ADAMTS2: variants seen among roughly 807,000 people sequenced by gnomAD.
ADAMTS2 encodes the protein A disintegrin and metalloproteinase with thrombospondin motifs 2.
A neutral mutation model predicts 123.0 loss-of-function variants in ADAMTS2; 50 were observed. The ratio of observed to expected loss-of-function variants is 0.41; its 90% CI spans 0.32 to 0.51. The LOEUF is 0.51. Among genes scored for constraint, ADAMTS2 ranks in the 20% least tolerant of loss-of-function variants. The pLI is 0.35. For synonymous variants in ADAMTS2, 678 were observed against 695.4 expected (o/e 0.98, Z 0.39); for missense variants, 1,494 against 1,705.2 (o/e 0.88, Z 2.18).
At chr5:179,157,099 G>A (rs1310243631) in intron 6 of ADAMTS2, among the ~76,000 whole-genome samples, 1 of 151,686 alleles carries the variant, frequency 6.6e-6, no homozygotes, top group Non-Finnish European at 1.5e-5. Flanking sequence ...GAGTAGCTGG[G>A]ATTACAGGCA....
intron 21 of ADAMTS2, among the ~76,000 whole-genome samples, chr5:179,119,660 C>T (rs1226493832): frequency 5.3e-5 from 8 of 152,222 alleles, no homozygotes. Flanking sequence ...CTGGCCCAGC[C>T]CCCCACCTGA....
Position 179,154,903 on chromosome 5 carries a change from G to C in ADAMTS2, c.1149C>G (p.Thr383=), listed in dbSNP as rs199664723. 2.5e-6 allele frequency: 4 copies of C among 1,613,374 alleles called. No homozygotes were observed. In the South Asian group the frequency reaches 4.4e-5, roughly 18 times the overall value. The change falls in exon 7 of 22, where the codon ACC becomes ACG. Residue 383 remains threonine, a synonymous_variant. Coordinates refer to ENST00000251582, the MANE Select transcript of ADAMTS2 (RefSeq NM_014244.5). ...PSGMQGYAPV[T]GMCHPVRSCT... is the part of the protein sequence containing the mutation. The stretch of plus-strand genomic sequence containing the variant: ...AGCTGCGGACCGGATGGCACATGCC[G>C]GTGACAGGAGCATAGCCTGGGAGGA...
At chr5:179,184,380 G>A (rs1282537283) in intron 4 of ADAMTS2, among the ~76,000 whole-genome samples, 7 of 151,942 alleles carry the variant, frequency 4.6e-5, no homozygotes, top group African/African-American at 1.7e-4. Context: ...GCATGGTGGC[G>A]AGCGCTTGTA....
At chr5:179,269,905 C>T (rs1237790154) in intron 3 of ADAMTS2, among the ~76,000 whole-genome samples, 1 of 152,162 alleles carries the variant, frequency 6.6e-6, no homozygotes, top group African/African-American at 2.4e-5. Flanking sequence ...AGAGCTCGGC[C>T]TCCGGTCCTG....
chr5:179,140,642 T>A (rs1763147138), intron 10 of ADAMTS2, among the ~76,000 whole-genome samples: 1 of 152,004 alleles, frequency 6.6e-6, no homozygotes, highest in Non-Finnish European at 1.5e-5. Context: ...ATTAAAGAAT[T>A]AAATTAGGTG....
Position 179,181,967 on chromosome 5 carries a change from G to A in ADAMTS2, c.892-812C>T, listed in dbSNP as rs538984582. Among the ~76,000 whole-genome samples the A allele has an allele frequency of 6.6e-6, 1 of 152,090 alleles. No individual in the cohort carries two copies. The highest frequency in any genetic ancestry group is 2.4e-5 in the African/African-American group (1 of 41,490). On this transcript the variant is annotated intron_variant, in intron 4 of 21. Coordinates refer to ENST00000251582, the MANE Select transcript of ADAMTS2 (RefSeq NM_014244.5). This position sits in a 1 kb window ranked among gnomAD's most constrained non-coding sequence, Gnocchi z 4.1. ...CTGTCAGGGGCTTCCTTCGCACTGA[G>A]CCCCCACCCTCCAGCTTCCCACCGC... is the stretch of plus-strand genomic sequence containing the variant.
At chr5:179,131,320 A>G (rs1282876391) in intron 15 of ADAMTS2, among the ~76,000 whole-genome samples, 1 of 151,216 alleles carries the variant, frequency 6.6e-6, no homozygotes, top group Non-Finnish European at 1.5e-5. Context: ...AAAAAAAAAA[A>G]AAAAAAAAAA....
Position 179,314,227 on chromosome 5 carries a change from C to T in ADAMTS2, c.534+29540G>A, listed in dbSNP as rs2113580638. On this transcript the variant is annotated intron_variant, in intron 2 of 21. Coordinates refer to ENST00000251582, the MANE Select transcript of ADAMTS2 (RefSeq NM_014244.5). This position sits in a 1 kb window ranked among gnomAD's most constrained non-coding sequence, Gnocchi z 4.5. ...CCCGGGCTCCTGGTCCCATCCTGCC[C>T]CTCCCACCGGGTCGGCCCTGTCCTT... 6.6e-6 allele frequency among the ~76,000 whole-genome samples: 1 copy of T among 152,364 alleles called. No homozygotes were observed. The highest frequency in any genetic ancestry group is 2.1e-4 in the South Asian group (1 of 4,830).
intron 2 of ADAMTS2, among the ~76,000 whole-genome samples, chr5:179,321,462 G>A (rs534834549): frequency 5.2e-4 from 79 of 152,190 alleles, no homozygotes; most frequent in East Asian, 5.8e-4. Flanking sequence ...TGGGCCTGAT[G>A]CCCCCTGCCA....
At position 179,260,245 on chromosome 5, in the gene ADAMTS2, T is replaced by C. The variant is rs75046336; in HGVS notation, c.688+12666A>G. Reference sequence around the variant, plus strand: ...CTCCAATGCCTGCAGGGAGCAACTGTTGCTCCCGGAGTGAGCTCCTGGGCG... The same window carrying C: ...CTCCAATGCCTGCAGGGAGCAACTGCTGCTCCCGGAGTGAGCTCCTGGGCG... On this transcript the variant is annotated intron_variant, in intron 3 of 21. Coordinates refer to ENST00000251582, the MANE Select transcript of ADAMTS2 (RefSeq NM_014244.5). The surrounding 1 kb of genome is among the most constrained non-coding windows in gnomAD (Gnocchi z 4.2). 2.0e-5 allele frequency among the ~76,000 whole-genome samples: 3 copies of C among 152,280 alleles called. No individual in the cohort carries two copies. The South Asian group carries it at 6.2e-4, about 32-fold the overall frequency.
At chr5:179,199,969 G>C (rs769489594) in intron 4 of ADAMTS2, among the ~76,000 whole-genome samples, 19 of 152,202 alleles carry the variant, frequency 1.2e-4, no homozygotes, top group Non-Finnish European at 2.5e-4. Flanking sequence ...ACAGCGAGTT[G>C]AGAGACAGAG....
chr5:179,277,362 AC>A (rs1452879519), intron 2 of ADAMTS2, among the ~76,000 whole-genome samples: 1 of 8,152 alleles, frequency 1.2e-4, no homozygotes, highest in Non-Finnish European at 1.9e-4. Context: ...CCAAAGGCTG[AC>A]ACCCCCCGAG....
At chr5:179,276,582 C>G (rs1426430713) in intron 2 of ADAMTS2, among the ~76,000 whole-genome samples, 2 of 152,174 alleles carry the variant, frequency 1.3e-5, no homozygotes, top group African/African-American at 4.8e-5. Flanking sequence ...GAGAACCAGG[C>G]CACGCCTCCA....
chr5:179,271,881 G>A (rs572393735), intron 3 of ADAMTS2, among the ~76,000 whole-genome samples: 5 of 152,276 alleles, frequency 3.3e-5, no homozygotes, highest in African/African-American at 4.8e-5. Flanking sequence ...ATGGAGTGAC[G>A]GGAGTACCTT....
At chr5:179,241,825 C>T (rs1448634171) in intron 3 of ADAMTS2, among the ~76,000 whole-genome samples, 6 of 152,116 alleles carry the variant, frequency 3.9e-5, no homozygotes, top group African/African-American at 1.4e-4. Flanking sequence ...AGTGTGTGTA[C>T]CTATCTCTAC....
intron 3 of ADAMTS2, among the ~76,000 whole-genome samples, chr5:179,241,038 T>C (rs1765657243): frequency 6.6e-6 from 1 of 152,186 alleles, no homozygotes; most frequent in South Asian, 2.1e-4. Context: ...AGGAGTGAGC[T>C]TGAGTGTTGG....
chr5:179,132,102 G>A lies in ADAMTS2; in HGVS notation c.2290+128C>T, dbSNP rs538808102. 1.1e-6 allele frequency: 1 copy of A among 893,622 alleles called. No homozygotes were observed. Among genetic ancestry groups the A allele is most frequent in the Non-Finnish European group, 1.8e-6 (1 of 557,092 alleles). 55.4% of individuals were successfully genotyped at this position (893,622 alleles called of 1,614,324 possible). On this transcript the variant is annotated intron_variant, in intron 15 of 21. Transcript: ENST00000251582. This position sits in a 1 kb window ranked among gnomAD's most constrained non-coding sequence, Gnocchi z 6.1. Reference sequence around the variant, plus strand: ...GCTGAGCAGAGGGACAGGTTGGGGAGGGGCTGCCCTGGCTCAGGTCATGGC... The same window carrying A: ...GCTGAGCAGAGGGACAGGTTGGGGAAGGGCTGCCCTGGCTCAGGTCATGGC...
intron 3 of ADAMTS2, among the ~76,000 whole-genome samples, chr5:179,212,999 C>T (rs1055210006): frequency 6.6e-6 from 1 of 152,152 alleles, no homozygotes; most frequent in Non-Finnish European, 1.5e-5. Context: ...CGCTGCCTCC[C>T]ATGGGACTCA....
intron 2 of ADAMTS2, among the ~76,000 whole-genome samples, chr5:179,294,185 G>A (rs937779999): frequency 4.2e-4 from 64 of 152,086 alleles, no homozygotes; most frequent in African/African-American, 1.5e-3. Context: ...AAACCCTGAA[G>A]GTCCAAGCTG....
Sources: gnomAD v4.1 joint callset for allele counts (sites outside exome capture counted in the v4.1 genomes callset) on GRCh38, gnomAD v4.1.1 for gene constraint, Gnocchi (gnomAD v3.1) non-coding constraint, MANE v1.5 for transcripts, NCBI Gene and HGNC (gene_info 2026-07-23, HGNC 2026-07-21) for gene names.